Variants in GREB1L observed in about 807,000 individuals in gnomAD.
The protein encoded by GREB1L is GREB1 like retinoic acid receptor coactivator.
Under a neutral mutation model 200.8 loss-of-function variants are expected in GREB1L, and 17 were observed. The ratio of observed to expected loss-of-function variants is 0.08; its 90% CI spans 0.06 to 0.13. GREB1L has a LOEUF of 0.13. Among genes scored for constraint, GREB1L ranks in the 10% least tolerant of loss-of-function variants. The pLI is 1.00. For missense variants in GREB1L, 1,657 were observed against 2,367.7 expected, an observed-to-expected ratio of 0.70 and a Z score of 6.23; for synonymous variants, 789 against 893.0, an observed-to-expected ratio of 0.88 and a Z score of 2.08.
chr18:21,468,758 T>C lies in GREB1L; in HGVS notation c.2183-4273T>C, dbSNP rs9959237. On this transcript the variant is annotated intron_variant, in intron 15 of 32. Coordinates refer to ENST00000424526, the MANE Select transcript of GREB1L (RefSeq NM_001142966.3). ...TCCAGGTTCACACATTGCATTCAGT[T>C]ATGTCCTCTTCATCTCCTGCAATCT... 4,321 of 456,660 alleles carry C rather than the reference T, an allele frequency of 9.5e-3. 170 individuals carry two copies. Among genetic ancestry groups the C allele is most frequent in the African/African-American group, 0.077 (3,867 of 50,174 alleles). The allele number at this position is 456,660 out of a possible 1,614,324, so 28.3% of individuals were successfully genotyped here. A position where few individuals can be genotyped will look rare whatever the true frequency, so the allele number is the denominator to read the frequency against.
chr18:21,515,650 T>G lies in GREB1L; in HGVS notation c.5129+6T>G. ...GTGCAGTATGACTTCAACAGGTAAG[T>G]CAGGCCTCATGGATGCAGGTAATCC... On this transcript the variant is annotated splice_donor_region_variant and intron_variant, in intron 29 of 32. Transcript: ENST00000424526. 1 of 1,539,796 alleles carries G rather than the reference T, an allele frequency of 6.5e-7. No individual in the cohort carries two copies. The highest frequency in any genetic ancestry group is 8.8e-7 in the Non-Finnish European group (1 of 1,136,374).
chr18:21,426,973 C>CAAAAAAAAAAAAAAAAAAAAAAA, intron 7 of GREB1L, among the ~76,000 whole-genome samples: 1 of 83,786 alleles, frequency 1.2e-5, no homozygotes, highest in Non-Finnish European at 3.4e-5. Context: ...AAAAAAAAAA[C>CAAAAAAAAAAAAAAAAAAAAAAA]AAAAAAAAAA....
At position 21,339,228 on chromosome 18, in the gene GREB1L, A is replaced by G. The variant is rs373581679; in HGVS notation, c.-119-26799A>G. Among the ~76,000 whole-genome samples, 64 of 152,252 alleles carry G rather than the reference A, an allele frequency of 4.2e-4. 1 individual carries two copies. Among genetic ancestry groups the G allele is most frequent in the African/African-American group, 1.5e-3 (61 of 41,552 alleles). On this transcript the variant is annotated intron_variant, in intron 1 of 32. Coordinates refer to ENST00000424526, the MANE Select transcript of GREB1L (RefSeq NM_001142966.3). ...TATCTTATTAGAAAAGTTGAAATTT[A>G]AAAGGCACATAGTGGAGTCAGAATG...
intron 1 of GREB1L, among the ~76,000 whole-genome samples, chr18:21,343,360 T>A (rs1318180152): frequency 2.0e-5 from 3 of 152,192 alleles, no homozygotes; most frequent in Non-Finnish European, 4.4e-5. Flanking sequence ...AATGCTATGA[T>A]CTCTAGATTA....
intron 1 of GREB1L, among the ~76,000 whole-genome samples, chr18:21,273,309 A>G (rs2038108506): frequency 6.6e-6 from 1 of 152,234 alleles, no homozygotes; most frequent in African/African-American, 2.4e-5. Context: ...TAACATATGT[A>G]GTAATATTTT....
rs1373622511 is a variant in GREB1L, at chr18:21,363,345, C to T, written c.-119-2682C>T. ...CTGCCTATTGGTGAGTGAATTGCCCCGATATAAAAGCATTGGGTGGGGAAA... is the reference window on the plus strand; with the variant it reads ...CTGCCTATTGGTGAGTGAATTGCCCTGATATAAAAGCATTGGGTGGGGAAA... On this transcript the variant is annotated intron_variant, in intron 1 of 32. Transcript: ENST00000424526. Among the ~76,000 whole-genome samples, 3 of 137,016 alleles carry T rather than the reference C, an allele frequency of 2.2e-5. 1 individual carries two copies. Among genetic ancestry groups the T allele is most frequent in the Admixed American group, 1.6e-4 (2 of 12,728 alleles). 89.9% of individuals were successfully genotyped at this position (137,016 alleles called of 152,430 possible). A position where few individuals can be genotyped will look rare whatever the true frequency, so the allele number is the denominator to read the frequency against.
At chr18:21,496,208 C>T (rs2036538858) in intron 20 of GREB1L, among the ~76,000 whole-genome samples, 2 of 152,140 alleles carry the variant, frequency 1.3e-5, no homozygotes, top group Admixed American at 6.5e-5. Context: ...TACATGTATT[C>T]AGTCCTTAAA....
intron 11 of GREB1L, 28 bp from the exon 12 acceptor site, chr18:21,449,482 A>C (rs1471921540): frequency 3.6e-6 from 5 of 1,370,438 alleles, no homozygotes; most frequent in Non-Finnish European, 4.9e-6. Context: ...GATTCTTTAA[A>C]TTCCAGCTGT....
intron 23 of GREB1L, among the ~76,000 whole-genome samples, chr18:21,504,842 G>A (rs888028965): frequency 6.6e-6 from 1 of 152,116 alleles, no homozygotes; most frequent in African/African-American, 2.4e-5. Flanking sequence ...TAAGGGGTAG[G>A]GCCAGGATTC....
At chr18:21,393,229 G>T (rs1428478943) in intron 4 of GREB1L, among the ~76,000 whole-genome samples, 2 of 152,134 alleles carry the variant, frequency 1.3e-5, no homozygotes, top group African/African-American at 4.8e-5. Context: ...AATGATAATG[G>T]TGCTCTCCTC....
At chr18:21,337,221 A>C (rs748538318) in intron 1 of GREB1L, among the ~76,000 whole-genome samples, 14 of 152,228 alleles carry the variant, frequency 9.2e-5, no homozygotes, top group Non-Finnish European at 1.6e-4. Context: ...GATCCTAAGC[A>C]TACTGTTGAA....
chr18:21,408,686 C>T lies in GREB1L; in HGVS notation c.832+4692C>T, dbSNP rs74735921. Among the ~76,000 whole-genome samples, 770 of 150,088 alleles carry T rather than the reference C, an allele frequency of 5.1e-3. 32 individuals carry two copies. Among genetic ancestry groups the T allele is most frequent in the Admixed American group, 0.034 (512 of 14,916 alleles). ...GTGCATGCCTGTAATTCCAGCTAGT[C>T]GGGAGGCTGAGGCAGGAGAATCACT... On this transcript the variant is annotated intron_variant, in intron 7 of 32. Coordinates refer to ENST00000424526, the MANE Select transcript of GREB1L (RefSeq NM_001142966.3).
In GREB1L at chr18:21,513,847, C is replaced by T. The variant is rs2037325420; in HGVS notation, c.4762C>T (p.Leu1588=). The T allele has an allele frequency of 2.6e-6, 4 of 1,551,524 alleles. No individual in the cohort carries two copies. In the East Asian group the frequency reaches 9.8e-5, roughly 38 times the overall value. The change falls in exon 28 of 33, where the codon CTA becomes TTA. Residue 1588 remains leucine, a synonymous_variant. Coordinates refer to ENST00000424526, the MANE Select transcript of GREB1L (RefSeq NM_001142966.3). ...TGCTGCCAGGTTCCTCATCAAGGAG[C>T]TATCATATCACAACCTAGAATTGGA... ...VGAARFLIKE[L]SYHNLELERN... is the part of the protein sequence containing the mutation.
chr18:21,256,561 A>G (rs2037801539), intron 1 of GREB1L, among the ~76,000 whole-genome samples: 1 of 152,214 alleles, frequency 6.6e-6, no homozygotes, highest in Non-Finnish European at 1.5e-5. Context: ...TTGGTACAAA[A>G]ATCAATCTAA....
intron 31 of GREB1L, 122 bp from the exon 32 acceptor site, chr18:21,520,566 A>C (rs1037954144): frequency 4.5e-6 from 5 of 1,110,782 alleles, no homozygotes; most frequent in Non-Finnish European, 6.4e-6. Flanking sequence ...TATTGGAAAA[A>C]ACTCATCTCC....
At chr18:21,366,633 C>G (rs144238321) in intron 2 of GREB1L, among the ~76,000 whole-genome samples, 4,006 of 103,348 alleles carry the variant, frequency 0.039, 107 homozygotes, top group Middle Eastern at 0.13. Context: ...CCCCCACCCC[C>G]ATCAAAGAAA....
At chr18:21,409,401 G>GT (rs1271937886) in intron 7 of GREB1L, among the ~76,000 whole-genome samples, 12 of 152,160 alleles carry the variant, frequency 7.9e-5, no homozygotes, top group African/African-American at 2.9e-4. Context: ...AGAAAATGGG[G>GT]TGTGAGCATT....
chr18:21,443,456 C>T (rs1234113713), intron 10 of GREB1L, among the ~76,000 whole-genome samples: 1 of 152,216 alleles, frequency 6.6e-6, no homozygotes, highest in Non-Finnish European at 1.5e-5. Context: ...ATCCACCCGC[C>T]TGGGCCTCCC....
chr18:21,404,074 G>A (rs1368795471), intron 7 of GREB1L, 80 bp downstream of exon 7: 2 of 1,271,648 alleles, frequency 1.6e-6, no homozygotes, highest in Non-Finnish European at 2.2e-6. Flanking sequence ...CTTACTGCTG[G>A]CTGGTTTGAA....
Sources: gnomAD v4.1 joint callset for allele counts (sites outside exome capture counted in the v4.1 genomes callset) on GRCh38, gnomAD v4.1.1 for gene constraint, MANE v1.5 for transcripts, NCBI Gene and HGNC (gene_info 2026-07-23, HGNC 2026-07-21) for gene names.